Variants in KCNQ5 observed in about 807,000 individuals in gnomAD.
KCNQ5 encodes potassium voltage-gated channel subfamily KQT member 5.
In KCNQ5, 30 loss-of-function variants were observed where a neutral mutation model predicts 98.2. That is an observed-to-expected ratio of 0.31 (90% CI 0.23 to 0.41). The LOEUF is 0.41. Among genes scored for constraint, KCNQ5 ranks in the 10% least tolerant of loss-of-function variants. KCNQ5 has a pLI of 1.00. For missense variants in KCNQ5, 835 were observed against 1,182.5 expected, an observed-to-expected ratio of 0.71 and a Z score of 4.31; for synonymous variants, 458 against 449.4, an observed-to-expected ratio of 1.02 and a Z score of -0.24.
rs762221264 is a variant in KCNQ5 at position 73,194,673 on chromosome 6, A to C, written c.2058A>C (p.Arg686Ser). ...LSRSTSANISRGLQFILTPNE... is the reference protein window; with the variant it reads ...LSRSTSANISSGLQFILTPNE... ...GATCAACTAGTGCCAACATCTCGAG[A>C]GGCCTGCAGTTCATTCTGACGCCAA... Residue 686 changes from arginine (R) to serine (S), a missense_variant, in exon 14 of 14, where the codon AGA (arginine) becomes AGC (serine). Coordinates refer to ENST00000370398, the MANE Select transcript of KCNQ5 (RefSeq NM_019842.4). 6.2e-7 allele frequency: 1 copy of C among 1,614,240 alleles called. No individual in the cohort carries two copies. Among genetic ancestry groups the C allele is most frequent in the Admixed American group, 1.7e-5 (1 of 60,032 alleles).
At chr6:72,677,420 A>C (rs1767469947) in intron 1 of KCNQ5, among the ~76,000 whole-genome samples, 1 of 152,194 alleles carries the variant, frequency 6.6e-6, no homozygotes, top group Non-Finnish European at 1.5e-5. Context: ...TGCAGTAAAG[A>C]TTATCATCAC....
At chr6:73,184,941 C>T (rs998376357) in intron 11 of KCNQ5, among the ~76,000 whole-genome samples, 1 of 152,020 alleles carries the variant, frequency 6.6e-6, no homozygotes, top group Admixed American at 6.6e-5. Flanking sequence ...TAGAGTTGCC[C>T]GAAGTCTCCA....
chr6:73,031,874 A>G (rs1163328499), intron 2 of KCNQ5, among the ~76,000 whole-genome samples: 1 of 152,224 alleles, frequency 6.6e-6, no homozygotes, highest in African/African-American at 2.4e-5. Flanking sequence ...CTGGAAATCA[A>G]GGGACCTCCC....
intron 1 of KCNQ5, among the ~76,000 whole-genome samples, chr6:72,635,945 G>A (rs2098923883): frequency 6.6e-6 from 1 of 151,634 alleles, no homozygotes; most frequent in South Asian, 2.1e-4. Flanking sequence ...TTTTTCTTAG[G>A]GTTTTAGTTA....
chr6:72,877,939 C>A (rs1385924808), intron 1 of KCNQ5, among the ~76,000 whole-genome samples: 6 of 152,168 alleles, frequency 3.9e-5, no homozygotes, highest in African/African-American at 1.4e-4. Context: ...AAATACAATA[C>A]AGTTAAGTTT....
intron 1 of KCNQ5, among the ~76,000 whole-genome samples, chr6:72,682,051 G>T (rs1339711585): frequency 6.6e-6 from 1 of 152,136 alleles, no homozygotes; most frequent in Non-Finnish European, 1.5e-5. Flanking sequence ...AGTATGTGGA[G>T]AAAAGAGCCT....
rs775391904 is a variant in KCNQ5, at chr6:73,133,455, G to A, written c.1282G>A (p.Ala428Thr). The change falls in exon 10 of 14, where the codon GCT becomes ACT. Residue 428 changes from alanine (A) to threonine (T), a missense_variant. Ala to Thr is a moderately conservative substitution (Grantham distance 58). This residue lies in a region of KCNQ5 where 146 missense variants were observed against 256.7 expected (regional missense o/e 0.57). Transcript: ENST00000370398. ...KLSFKERVRM[A>T]SPRGQSIKSR... ...AAGTTTTAAGGAGCGAGTGCGCATG[G>A]CTAGCCCCAGGGGCCAGAGTATTAA... 1 of 1,614,170 alleles carries A rather than the reference G, an allele frequency of 6.2e-7. No individual in the cohort carries two copies. The highest frequency in any genetic ancestry group is 1.7e-5 in the Admixed American group (1 of 60,028).
chr6:72,995,562 T>A (rs1012950992), intron 1 of KCNQ5, among the ~76,000 whole-genome samples: 6 of 152,126 alleles, frequency 3.9e-5, no homozygotes, highest in Admixed American at 2.0e-4. Context: ...TTATAATATC[T>A]TTGAGGGAAA....
chr6:72,663,956 T>A (rs1271420015), intron 1 of KCNQ5, among the ~76,000 whole-genome samples: 4 of 152,230 alleles, frequency 2.6e-5, no homozygotes, highest in African/African-American at 9.6e-5. Flanking sequence ...TGGAAATACT[T>A]CTCTGGACCA....
rs990959354 is a variant in KCNQ5 at position 73,197,568 on chromosome 6, A to AAG, written c.*2156_*2157dup. 7.0e-6 allele frequency: 1 copy of AAG among 142,968 alleles called. No homozygotes were observed. Among genetic ancestry groups the AAG allele is most frequent in the Non-Finnish European group, 1.5e-5 (1 of 66,080 alleles). The allele number at this position is 142,968 out of a possible 1,614,324, so 8.9% of individuals were successfully genotyped here. On this transcript the variant is annotated 3_prime_UTR_variant, in exon 14 of 14. Coordinates refer to ENST00000370398, the MANE Select transcript of KCNQ5 (RefSeq NM_019842.4). Reference sequence around the variant, plus strand: ...ACCTGAAGTTGTGATTCCCCCTTGCAAGAATGTTGCATACACACACACACA... The same window carrying AAG: ...ACCTGAAGTTGTGATTCCCCCTTGCAAGAGAATGTTGCATACACACACACACA...
At chr6:73,071,795 G>A (rs1393495048) in intron 3 of KCNQ5, among the ~76,000 whole-genome samples, 6 of 152,100 alleles carry the variant, frequency 3.9e-5, no homozygotes, top group Admixed American at 3.9e-4. Flanking sequence ...CTCCCATTAG[G>A]CTTCACCTCT....
At chr6:72,856,315 T>A (rs1057149861) in intron 1 of KCNQ5, among the ~76,000 whole-genome samples, 2 of 151,936 alleles carry the variant, frequency 1.3e-5, no homozygotes, top group Non-Finnish European at 2.9e-5. Context: ...ATTCCCTACA[T>A]GAATTTTAGT....
At chr6:72,955,608 G>A (rs187844516) in intron 1 of KCNQ5, among the ~76,000 whole-genome samples, 2 of 152,292 alleles carry the variant, frequency 1.3e-5, no homozygotes, top group African/African-American at 4.8e-5. Flanking sequence ...CTTGGGAAGT[G>A]TTGCAGATTA....
intron 5 of KCNQ5, among the ~76,000 whole-genome samples, chr6:73,103,983 A>G (rs1202974612): frequency 1.3e-5 from 2 of 152,098 alleles, no homozygotes; most frequent in African/African-American, 2.4e-5. Flanking sequence ...ATAAATATAT[A>G]TACCTACTGT....
intron 1 of KCNQ5, among the ~76,000 whole-genome samples, chr6:72,711,838 T>C (rs1489531295): frequency 6.6e-6 from 1 of 152,176 alleles, no homozygotes; most frequent in Non-Finnish European, 1.5e-5. Flanking sequence ...ATTTTAGAAG[T>C]GGAAAACACT....
chr6:72,645,573 G>A (rs927131355), intron 1 of KCNQ5, among the ~76,000 whole-genome samples: 5 of 152,016 alleles, frequency 3.3e-5, no homozygotes, highest in East Asian at 1.9e-4. Flanking sequence ...TTCTCTTCAG[G>A]TTGAATTCCC....
At chr6:72,888,259 T>C (rs1038951115) in intron 1 of KCNQ5, among the ~76,000 whole-genome samples, 1 of 152,140 alleles carries the variant, frequency 6.6e-6, no homozygotes, top group Non-Finnish European at 1.5e-5. Context: ...GAAACCTGTA[T>C]TGGGACTCAA....
chr6:72,804,996 G>A (rs1024538226), intron 1 of KCNQ5, among the ~76,000 whole-genome samples: 7 of 151,988 alleles, frequency 4.6e-5, no homozygotes, highest in South Asian at 2.1e-4. Context: ...ATTTTTGCCC[G>A]TTTTAAAATC....
chr6:72,748,173 T>A (rs1020377358), intron 1 of KCNQ5, among the ~76,000 whole-genome samples: 1 of 152,096 alleles, frequency 6.6e-6, no homozygotes, highest in Non-Finnish European at 1.5e-5. Context: ...AGTTGATGTG[T>A]GATAGTTGTT....
Sources: allele counts gnomAD v4.1 joint callset (sites outside exome capture counted in the v4.1 genomes callset), GRCh38; gene constraint gnomAD v4.1.1; regional missense constraint gnomAD v4.1.1; transcripts MANE v1.5; gene names NCBI Gene and HGNC (gene_info 2026-07-23, HGNC 2026-07-21).